The following ABI3BP variants were observed in gnomAD, a reference collection of about 807,000 sequenced individuals.
The protein encoded by ABI3BP is target of Nesh-SH3.
A neutral mutation model predicts 268.6 loss-of-function variants in ABI3BP; 216 were observed. That is an observed-to-expected ratio of 0.80 (90% CI 0.72 to 0.90). The LOEUF (loss-of-function observed/expected upper bound fraction) is 0.90, where lower values mean the gene tolerates loss of function less well. Among genes scored for constraint, ABI3BP ranks in the 40% least tolerant of loss-of-function variants. The pLI is 0.00. For missense variants in ABI3BP, 2,090 were observed against 2,182.4 expected, an observed-to-expected ratio of 0.96 and a Z score of 0.84; for synonymous variants, 730 against 730.0, an observed-to-expected ratio of 1.00 and a Z score of 0.00.
intron 1 of ABI3BP, among the ~76,000 whole-genome samples, chr3:100,941,627 A>G (rs908735991): frequency 3.9e-5 from 6 of 152,090 alleles, no homozygotes; most frequent in Non-Finnish European, 8.8e-5. Context: ...TCAGGCCAAT[A>G]CTTCACCGTC....
chr3:100,784,790 C>T (rs1219632966), intron 57 of ABI3BP, among the ~76,000 whole-genome samples: 1 of 151,968 alleles, frequency 6.6e-6, no homozygotes, highest in African/African-American at 2.4e-5. Context: ...AGTGGAAAAC[C>T]AAAAACTATA....
At chr3:100,944,835 T>G (rs2153729387) in intron 1 of ABI3BP, among the ~76,000 whole-genome samples, 1 of 152,290 alleles carries the variant, frequency 6.6e-6, no homozygotes, top group African/African-American at 2.4e-5. Context: ...ATCCTGAGAA[T>G]ATGGCCAAGT....
intron 1 of ABI3BP, among the ~76,000 whole-genome samples, chr3:100,954,631 A>T (rs2076201379): frequency 6.6e-6 from 1 of 152,224 alleles, no homozygotes; most frequent in Non-Finnish European, 1.5e-5. Flanking sequence ...CATGCCCTTC[A>T]AAAACAGGTG....
At chr3:100,849,977 G>C (rs1404135771) in intron 17 of ABI3BP, 68 bp downstream of exon 17, 1 of 1,340,760 alleles carries the variant, frequency 7.5e-7, no homozygotes, top group Non-Finnish European at 1.0e-6. Flanking sequence ...TTCTGAAATG[G>C]CCAACATGAC....
In ABI3BP at chr3:100,818,553, A is replaced by C. The variant is rs1327458612; in HGVS notation, c.3060T>G (p.Thr1020=). The C allele has an allele frequency of 6.5e-7, 1 of 1,535,542 alleles. No homozygotes were observed. The highest frequency in any genetic ancestry group is 8.7e-7 in the Non-Finnish European group (1 of 1,146,552). Residue 1020 remains threonine, a synonymous_variant, in exon 41 of 68, where the codon ACT becomes ACG. Transcript: ENST00000471714. ...LVPSTDLEPG[T]LRTEAPKTMV... is the part of the protein sequence containing the mutation. ...TGGTTTTTGGAGCTTCAGTTCTGAG[A>C]GTACCAGGTTCAAGATCTGTAGAAG... is the stretch of plus-strand genomic sequence containing the variant.
At chr3:100,812,859 C>T (rs985044017) in intron 45 of ABI3BP, among the ~76,000 whole-genome samples, 6 of 152,110 alleles carry the variant, frequency 3.9e-5, no homozygotes, top group African/African-American at 1.4e-4. Context: ...AACAACATTA[C>T]TAATACTGAC....
chr3:100,901,317 A>G (rs1196854448), intron 3 of ABI3BP, among the ~76,000 whole-genome samples: 1 of 152,252 alleles, frequency 6.6e-6, no homozygotes, highest in Non-Finnish European at 1.5e-5. Flanking sequence ...GCTATTTAGT[A>G]TAACTGAATA....
At position 100,829,694 on chromosome 3, in the gene ABI3BP, G is replaced by A. The variant is rs1037138850; in HGVS notation, c.2459-30C>T. On this transcript the variant is annotated intron_variant, in intron 32 of 67. Transcript: ENST00000471714. ...AGGAAGAAAACTTCAGGTTAATACA[G>A]CGTGTTTGGTTCCGGAAGCTGTGGA... is the stretch of plus-strand genomic sequence containing the variant. 3.4e-6 allele frequency: 5 copies of A among 1,491,774 alleles called. No homozygotes were observed. In the South Asian group the frequency reaches 3.6e-5, roughly 11 times the overall value. 92.4% of individuals were successfully genotyped at this position (1,491,774 alleles called of 1,614,324 possible).
chr3:100,940,580 G>T (rs191984056), intron 1 of ABI3BP, among the ~76,000 whole-genome samples: 1 of 150,204 alleles, frequency 6.7e-6, no homozygotes, highest in African/African-American at 2.4e-5. Context: ...CTACCATTCC[G>T]ACCTTTCCTC....
Position 100,749,701 on chromosome 3 carries a change from C to G in ABI3BP, c.*794G>C. On this transcript the variant is annotated 3_prime_UTR_variant, in exon 68 of 68. Transcript: ENST00000471714. The stretch of plus-strand genomic sequence containing the variant: ...TCAGACTTGACTTCACATTCAGTCT[C>G]TACATACAGCTTGATTAGAATCATA... 2.5e-6 allele frequency: 1 copy of G among 398,434 alleles called. No homozygotes were observed. 24.7% of individuals were successfully genotyped at this position (398,434 alleles called of 1,614,324 possible). A position where few individuals can be genotyped will look rare whatever the true frequency, so the allele number is the denominator to read the frequency against.
intron 62 of ABI3BP, among the ~76,000 whole-genome samples, chr3:100,766,577 CAAATT>C (rs2096279492): frequency 6.6e-6 from 1 of 151,672 alleles, no homozygotes; most frequent in Admixed American, 6.5e-5. Context: ...TATTGAAAAA[CAAATT>C]AATGTCCTTA....
At chr3:100,788,148 G>A (rs2097104784) in intron 56 of ABI3BP, among the ~76,000 whole-genome samples, 1 of 152,118 alleles carries the variant, frequency 6.6e-6, no homozygotes, top group Admixed American at 6.6e-5. Flanking sequence ...GACTACATAT[G>A]TCTAATGAAA....
At chr3:100,841,234 T>TTTTTG in intron 21 of ABI3BP, among the ~76,000 whole-genome samples, 1 of 134,144 alleles carries the variant, frequency 7.5e-6, no homozygotes. Context: ...TTTTGCTCTT[T>TTTTTG]TGAAGAAAAA....
chr3:100,993,217 A>G, intron 1 of ABI3BP, 89 bp downstream of exon 1: 2 of 940,454 alleles, frequency 2.1e-6, no homozygotes, highest in Non-Finnish European at 3.2e-6. Flanking sequence ...TTCCCCCCGT[A>G]TGGTAAAGCA....
At chr3:100,850,814 T>C in intron 15 of ABI3BP, 80 bp from the exon 16 acceptor site, 1 of 1,080,508 alleles carries the variant, frequency 9.3e-7, no homozygotes, top group Non-Finnish European at 1.4e-6. Flanking sequence ...TAATAAATTA[T>C]GCCTCATATG....
intron 1 of ABI3BP, among the ~76,000 whole-genome samples, chr3:100,944,360 A>C (rs543576651): frequency 1.3e-5 from 2 of 152,052 alleles, no homozygotes; most frequent in South Asian, 4.1e-4. Context: ...TCTCTTGATA[A>C]CTCCAGTTTG....
chr3:100,890,765 A>G (rs1406390809), intron 4 of ABI3BP, among the ~76,000 whole-genome samples: 1 of 152,020 alleles, frequency 6.6e-6, no homozygotes, highest in East Asian at 1.9e-4. Context: ...CTTAAAATCT[A>G]CTCTTCATTT....
At chr3:100,955,835 C>T (rs550241513) in intron 1 of ABI3BP, among the ~76,000 whole-genome samples, 4 of 152,062 alleles carry the variant, frequency 2.6e-5, no homozygotes, top group Non-Finnish European at 5.9e-5. Flanking sequence ...AAAAGCCATA[C>T]TTTCATTGAG....
chr3:100,869,661 A>G (rs2153225690), intron 9 of ABI3BP, among the ~76,000 whole-genome samples: 1 of 152,222 alleles, frequency 6.6e-6, no homozygotes, highest in South Asian at 2.1e-4. Flanking sequence ...GCCATACTGT[A>G]TATCTATAAA....
Sources: gnomAD v4.1 joint callset for allele counts (sites outside exome capture counted in the v4.1 genomes callset) on GRCh38, gnomAD v4.1.1 for gene constraint, MANE v1.5 for transcripts, NCBI Gene and HGNC (gene_info 2026-07-23, HGNC 2026-07-21) for gene names.